PTPN11: variants seen among roughly 807,000 people sequenced by gnomAD.
PTPN11 encodes tyrosine-protein phosphatase non-receptor type 11.
In PTPN11, 6 loss-of-function variants were observed where a neutral mutation model predicts 78.8. The ratio of observed to expected loss-of-function variants is 0.08; its 90% CI spans 0.04 to 0.15. The LOEUF (loss-of-function observed/expected upper bound fraction) is 0.15, where lower values mean the gene tolerates loss of function less well. Ranked by LOEUF, PTPN11 falls within the 10% of genes least tolerant of loss-of-function variation. The pLI is 1.00. For synonymous variants in PTPN11, 221 were observed against 263.5 expected (o/e 0.84, Z 1.56); for missense variants, 386 against 744.8 (o/e 0.52, Z 5.61).
Position 112,482,269 on chromosome 12 carries a change from C to T in PTPN11, c.1224+64C>T. The stretch of plus-strand genomic sequence containing the variant: ...TTGATGGTGTGTAGGAATTCAGGGT[C>T]TTGCCGTTACTCATGTTTGCATACA... On this transcript the variant is annotated intron_variant, in intron 10 of 15. Transcript: ENST00000351677. This position sits in a 1 kb window ranked among gnomAD's most constrained non-coding sequence, Gnocchi z 4.4. 2 of 1,553,326 alleles carry T rather than the reference C, an allele frequency of 1.3e-6. No individual in the cohort carries two copies. The highest frequency in any genetic ancestry group is 1.7e-5 in the Admixed American group (1 of 59,584).
chr12:112,432,867 T>C (rs1300351945), intron 1 of PTPN11, among the ~76,000 whole-genome samples: 3 of 148,284 alleles, frequency 2.0e-5, no homozygotes, highest in Non-Finnish European at 4.5e-5. Flanking sequence ...ATTTTTAACT[T>C]TTTTTTTTTT....
At chr12:112,486,975 G>A (rs2038687624) in intron 11 of PTPN11, 1 of 1,216,324 alleles carries the variant, frequency 8.2e-7, no homozygotes, top group Non-Finnish European at 1.1e-6. Flanking sequence ...GCTGTTGACT[G>A]CTTTGTAGGT....
intron 7 of PTPN11, among the ~76,000 whole-genome samples, chr12:112,475,640 G>A (rs1189400829): frequency 2.0e-5 from 3 of 152,218 alleles, no homozygotes; most frequent in African/African-American, 7.2e-5. Flanking sequence ...GAAAAACTGT[G>A]TGATTGGGGG....
intron 9 of PTPN11, among the ~76,000 whole-genome samples, chr12:112,478,474 T>C (rs1296410980): frequency 6.6e-6 from 1 of 152,164 alleles, no homozygotes; most frequent in African/African-American, 2.4e-5. Context: ...ATTAGACTAC[T>C]TGAAGTTGTC....
chr12:112,449,861 T>G (rs1592825828), intron 2 of PTPN11, among the ~76,000 whole-genome samples: 1 of 151,282 alleles, frequency 6.6e-6, no homozygotes, highest in Non-Finnish European at 1.5e-5. Flanking sequence ...TGGTTAGGAG[T>G]TTCAGACCAG....
Position 112,444,539 on chromosome 12 carries a change from C to T in PTPN11, c.15-1737C>T, listed in dbSNP as rs532225095. ...TATTTTTAGTAGAGATGGGTTTCTCCATGTTGGTCAGGCTGCTCCCGAACT... is the reference window on the plus strand; with the variant it reads ...TATTTTTAGTAGAGATGGGTTTCTCTATGTTGGTCAGGCTGCTCCCGAACT... On this transcript the variant is annotated intron_variant, in intron 1 of 15. Transcript: ENST00000351677. Among the ~76,000 whole-genome samples, 10 of 152,182 alleles carry T rather than the reference C, an allele frequency of 6.6e-5. No homozygotes were observed. In the South Asian group the frequency reaches 1.7e-3, roughly 25 times the overall value.
chr12:112,505,673 A>AAAC (rs2038925688), intron 15 of PTPN11, among the ~76,000 whole-genome samples, 152 bp from the exon 16 acceptor site: 1 of 151,366 alleles, frequency 6.6e-6, no homozygotes, highest in African/African-American at 2.4e-5. Flanking sequence ...AAAAAAAAAA[A>AAAC]AAAAAAAACT....
chr12:112,437,720 T>TA (rs1455180050), intron 1 of PTPN11, among the ~76,000 whole-genome samples: 8 of 152,178 alleles, frequency 5.3e-5, no homozygotes, highest in African/African-American at 1.9e-4. Flanking sequence ...GAATTGAGAC[T>TA]ATTTGGTCTT....
At chr12:112,432,432 G>A (rs1283461773) in intron 1 of PTPN11, among the ~76,000 whole-genome samples, 1 of 152,036 alleles carries the variant, frequency 6.6e-6, no homozygotes, top group Admixed American at 6.6e-5. Context: ...TTGGGAGGCC[G>A]AGGTGGGTGG....
intron 1 of PTPN11, 126 bp downstream of exon 1, chr12:112,419,251 G>T: frequency 9.9e-7 from 1 of 1,007,150 alleles, no homozygotes; most frequent in Non-Finnish European, 1.3e-6. Context: ...GTTGGGGGCC[G>T]GTTCCCTCCT....
chr12:112,459,067 A>G (rs1251217780), intron 6 of PTPN11, among the ~76,000 whole-genome samples: 1 of 152,052 alleles, frequency 6.6e-6, no homozygotes, highest in African/African-American at 2.4e-5. Context: ...ACATAGTGAG[A>G]CAGAATTTTG....
In PTPN11 at chr12:112,442,859, T is replaced by TATATATATAAATTATATATACAC. The variant is rs1370995028; in HGVS notation, c.15-3408_15-3407insAATTATATATACACATATATATA. On this transcript the variant is annotated intron_variant, in intron 1 of 15. Coordinates refer to ENST00000351677, the MANE Select transcript of PTPN11 (RefSeq NM_002834.5). ...ATATATATATATATATATATATATATATATATATATATATATATAAATTAT... is the reference window on the plus strand; with the variant it reads ...ATATATATATATATATATATATATATATATATATAAATTATATATACACATATATATATATATATATAAATTAT... 2.3e-3 allele frequency among the ~76,000 whole-genome samples: 176 copies of TATATATATAAATTATATATACAC among 76,502 alleles called. 2 individuals carry two copies. Among genetic ancestry groups the TATATATATAAATTATATATACAC allele is most frequent in the African/African-American group, 0.011 (171 of 15,944 alleles). 50.2% of individuals were successfully genotyped at this position (76,502 alleles called of 152,430 possible). A position where few individuals can be genotyped will look rare whatever the true frequency, so the allele number is the denominator to read the frequency against.
chr12:112,498,163 C>CA (rs1044647226), intron 13 of PTPN11, among the ~76,000 whole-genome samples: 1 of 149,852 alleles, frequency 6.7e-6, no homozygotes, highest in Non-Finnish European at 1.5e-5. Context: ...AAAAAAAAAA[C>CA]AAAAAACCCC....
intron 11 of PTPN11, chr12:112,486,987 T>C: frequency 8.9e-7 from 1 of 1,126,484 alleles, no homozygotes; most frequent in Non-Finnish European, 1.1e-6. Context: ...TTTGTAGGTA[T>C]TGAGGTGGTG....
At chr12:112,471,167 T>C (rs2038408773) in intron 6 of PTPN11, among the ~76,000 whole-genome samples, 1 of 152,208 alleles carries the variant, frequency 6.6e-6, no homozygotes, top group African/African-American at 2.4e-5. Context: ...ACTTGTGAAA[T>C]TCAGATAAAT....
rs41299183 is a variant in PTPN11, at chr12:112,482,105, A to G, written c.1124A>G (p.Tyr375Cys). ...SKCVKYWPDE[Y>C]ALKEYGVMRV... The stretch of plus-strand genomic sequence containing the variant: ...TGTGTCAAATACTGGCCTGATGAGT[A>G]TGCTCTAAAAGAATATGGCGTCATG... Residue 375 changes from tyrosine (Y) to cysteine (C), a missense_variant, in exon 10 of 16, where the codon TAT (tyrosine) becomes TGT (cysteine). By Grantham distance (194) the Tyr-to-Cys change is radical (BLOSUM62 -2). Around this residue, in one of 3 missense-constraint regions of PTPN11, gnomAD observed 279 missense variants for 503.3 expected, o/e 0.55. Coordinates refer to ENST00000351677, the MANE Select transcript of PTPN11 (RefSeq NM_002834.5). This position sits in a 1 kb window ranked among gnomAD's most constrained non-coding sequence, Gnocchi z 4.4. 4.9e-5 allele frequency: 78 copies of G among 1,584,972 alleles called. No homozygotes were observed. Among genetic ancestry groups the G allele is most frequent in the East Asian group, 8.9e-5 (4 of 44,712 alleles).
chr12:112,495,459 T>C (rs2038802437), intron 13 of PTPN11, among the ~76,000 whole-genome samples: 1 of 152,216 alleles, frequency 6.6e-6, no homozygotes, highest in Non-Finnish European at 1.5e-5. Flanking sequence ...ACTTGAGTAA[T>C]GGATTTTTGG....
chr12:112,506,869 G>T lies in PTPN11; in HGVS notation c.*1077G>T. ...CACATGCAGCTCAGAGCTCCCAAGAGCTCAAAAGCAGAAATGGCCAGGCCT... is the reference window on the plus strand; with the variant it reads ...CACATGCAGCTCAGAGCTCCCAAGATCTCAAAAGCAGAAATGGCCAGGCCT... On this transcript the variant is annotated 3_prime_UTR_variant, in exon 16 of 16. Coordinates refer to ENST00000351677, the MANE Select transcript of PTPN11 (RefSeq NM_002834.5). The T allele has an allele frequency of 5.6e-6, 1 of 177,802 alleles. No homozygotes were observed. The highest frequency in any genetic ancestry group is 1.2e-5 in the Non-Finnish European group (1 of 83,748). 11.0% of individuals were successfully genotyped at this position (177,802 alleles called of 1,614,324 possible).
At chr12:112,479,786 C>G (rs537966698) in intron 9 of PTPN11, among the ~76,000 whole-genome samples, 1 of 152,270 alleles carries the variant, frequency 6.6e-6, no homozygotes, top group East Asian at 1.9e-4. Flanking sequence ...GTATCAGTCC[C>G]TTTCAGAAGC....
Sources: gnomAD v4.1 joint callset for allele counts (sites outside exome capture counted in the v4.1 genomes callset) on GRCh38, gnomAD v4.1.1 for gene constraint, gnomAD v4.1.1 regional missense constraint, Gnocchi (gnomAD v3.1) non-coding constraint, MANE v1.5 for transcripts, NCBI Gene and HGNC (gene_info 2026-07-23, HGNC 2026-07-21) for gene names.